MRTFA: variants seen among roughly 807,000 people sequenced by gnomAD.
The protein encoded by MRTFA is myocardin-related transcription factor A.
A neutral mutation model predicts 83.5 loss-of-function variants in MRTFA; 20 were observed. The ratio of observed to expected loss-of-function variants is 0.24; its 90% confidence interval spans 0.17 to 0.35. MRTFA has a LOEUF of 0.35. Among genes scored for constraint, MRTFA ranks in the 10% least tolerant of loss-of-function variants. The pLI, the probability that MRTFA is intolerant of heterozygous loss-of-function variation, is 1.00. For missense variants in MRTFA, 1,200 were observed against 1,224.7 expected (o/e 0.98, Z 0.30); for synonymous variants, 659 against 541.2 (o/e 1.22, Z -3.02).
At chr22:40,499,984 C>A (rs1224576778) in intron 3 of MRTFA, among the ~76,000 whole-genome samples, 1 of 124,310 alleles carries the variant, frequency 8.0e-6, no homozygotes, top group Non-Finnish European at 1.6e-5. Flanking sequence ...TGAAATGGTA[C>A]GATCTCGGCT....
At chr22:40,549,559 G>A (rs2055414235) in intron 3 of MRTFA, among the ~76,000 whole-genome samples, 1 of 152,132 alleles carries the variant, frequency 6.6e-6, no homozygotes, top group Non-Finnish European at 1.5e-5. Flanking sequence ...CAAGGGGAAG[G>A]GAGTATTGAT....
At chr22:40,542,484 A>C (rs1386937513) in intron 3 of MRTFA, among the ~76,000 whole-genome samples, 1 of 152,212 alleles carries the variant, frequency 6.6e-6, no homozygotes, top group African/African-American at 2.4e-5. Context: ...TAAGAACTTT[A>C]TCTGTCTTGT....
At chr22:40,587,971 C>T in intron 2 of MRTFA, 2 of 308,426 alleles carry the variant, frequency 6.5e-6, no homozygotes, top group South Asian at 9.1e-5. Context: ...TTTCAGAGTA[C>T]ACTGATAACA....
At chr22:40,574,581 T>C (rs1025473955) in intron 2 of MRTFA, among the ~76,000 whole-genome samples, 1 of 151,888 alleles carries the variant, frequency 6.6e-6, no homozygotes, top group African/African-American at 2.4e-5. Context: ...AGTACAGGCA[T>C]GCACCACCAC....
chr22:40,572,781 G>A (rs191142683), intron 2 of MRTFA, among the ~76,000 whole-genome samples: 2 of 152,238 alleles, frequency 1.3e-5, no homozygotes, highest in East Asian at 3.9e-4. Context: ...GGAAACTCCC[G>A]TTTCTAAAAC....
intron 3 of MRTFA, among the ~76,000 whole-genome samples, chr22:40,531,315 T>C (rs1195633031): frequency 5.3e-5 from 8 of 149,586 alleles, no homozygotes; most frequent in Admixed American, 4.0e-4. Flanking sequence ...TCTTGAACTC[T>C]TGGGCTTAAG....
At chr22:40,535,946 C>G (rs967610720) in intron 3 of MRTFA, among the ~76,000 whole-genome samples, 1 of 152,102 alleles carries the variant, frequency 6.6e-6, no homozygotes, top group Non-Finnish European at 1.5e-5. Flanking sequence ...AGCAATTCCA[C>G]ACCCACTATC....
At chr22:40,473,529 T>C (rs1386243260) in intron 3 of MRTFA, among the ~76,000 whole-genome samples, 1 of 152,218 alleles carries the variant, frequency 6.6e-6, no homozygotes, top group East Asian at 1.9e-4. Flanking sequence ...TATAAATTCC[T>C]AAAGCTTGAT....
intron 3 of MRTFA, among the ~76,000 whole-genome samples, chr22:40,540,491 C>T (rs954709097): frequency 6.6e-6 from 1 of 152,112 alleles, no homozygotes; most frequent in South Asian, 2.1e-4. Context: ...TTCTTTACCA[C>T]GTGGCTTAAT....
At chr22:40,426,115 C>T (rs1259593721) in intron 7 of MRTFA, among the ~76,000 whole-genome samples, 1 of 152,124 alleles carries the variant, frequency 6.6e-6, no homozygotes, top group Non-Finnish European at 1.5e-5. Flanking sequence ...GGATGGGGAG[C>T]TTAGATGTGT....
At chr22:40,524,609 CAGTT>C (rs1172693849) in intron 3 of MRTFA, among the ~76,000 whole-genome samples, 1 of 152,158 alleles carries the variant, frequency 6.6e-6, no homozygotes, top group Non-Finnish European at 1.5e-5. Context: ...TCAGAGGGAA[CAGTT>C]TAATGAGATG....
In MRTFA at chr22:40,410,777, G is replaced by GCCCCCC. The variant is rs749105759; in HGVS notation, c.*607_*612dup. 4.4e-6 allele frequency: 1 copy of GCCCCCC among 228,246 alleles called. No homozygotes were observed. The highest frequency in any genetic ancestry group is 2.3e-5 in the African/African-American group (1 of 44,334). The allele number at this position is 228,246 out of a possible 1,614,324, so 14.1% of individuals were successfully genotyped here. On this transcript the variant is annotated 3_prime_UTR_variant, in exon 15 of 15. Transcript: ENST00000355630. Reference sequence around the variant, plus strand: ...AGGGAGTTGCACCCATCTCCTGTCCGCCCCCCCCCAAAAATATATATGTAT... The same window carrying GCCCCCC: ...AGGGAGTTGCACCCATCTCCTGTCCGCCCCCCCCCCCCCCCAAAAATATATATGTAT...
intron 3 of MRTFA, among the ~76,000 whole-genome samples, chr22:40,542,845 A>C (rs943725997): frequency 1.3e-5 from 2 of 152,224 alleles, no homozygotes; most frequent in African/African-American, 4.8e-5. Flanking sequence ...CAGTTATTTT[A>C]AAAACACACA....
At chr22:40,625,551 G>A (rs1278825656) in intron 1 of MRTFA, among the ~76,000 whole-genome samples, 1 of 152,134 alleles carries the variant, frequency 6.6e-6, no homozygotes, top group Non-Finnish European at 1.5e-5. Flanking sequence ...GCTGAGGCAG[G>A]CAGATCACTT....
intron 3 of MRTFA, among the ~76,000 whole-genome samples, chr22:40,476,267 T>C (rs180735930): frequency 4.1e-4 from 62 of 152,156 alleles, no homozygotes; most frequent in Non-Finnish European, 7.6e-4. Context: ...CCTACTAATA[T>C]GCGCCCACGA....
At chr22:40,475,857 C>T (rs1034862551) in intron 3 of MRTFA, among the ~76,000 whole-genome samples, 4 of 152,038 alleles carry the variant, frequency 2.6e-5, no homozygotes, top group African/African-American at 4.8e-5. Context: ...ATAAAAATGG[C>T]GTCTCGGCCA....
chr22:40,601,637 C>CA (rs954956279), intron 1 of MRTFA, among the ~76,000 whole-genome samples: 37 of 150,084 alleles, frequency 2.5e-4, no homozygotes, highest in Non-Finnish European at 4.1e-4. Context: ...ACATAGATGA[C>CA]AAAAAAAAAT....
chr22:40,443,661 G>GA (rs1350260327), intron 4 of MRTFA, among the ~76,000 whole-genome samples: 7 of 152,166 alleles, frequency 4.6e-5, no homozygotes, highest in South Asian at 2.1e-4. Context: ...AAATACCACA[G>GA]AAAAAAATGG....
chr22:40,457,241 T>C (rs2053600793), intron 4 of MRTFA, among the ~76,000 whole-genome samples: 1 of 152,022 alleles, frequency 6.6e-6, no homozygotes, highest in African/African-American at 2.4e-5. Flanking sequence ...GGCCGGTCCC[T>C]GTAATCTGAG....
Sources: allele counts gnomAD v4.1 joint callset (sites outside exome capture counted in the v4.1 genomes callset), GRCh38; gene constraint gnomAD v4.1.1; transcripts MANE v1.5; gene names NCBI Gene and HGNC (gene_info 2026-07-23, HGNC 2026-07-21).